CLEC4A: variants seen among roughly 807,000 people sequenced by gnomAD.
The protein encoded by CLEC4A is C-type (calcium dependent, carbohydrate-recognition domain) lectin, superfamily member 6.
CLEC4A carries 27 observed loss-of-function variants against 32.7 expected under a neutral mutation model. That is an observed-to-expected ratio of 0.83 (90% CI 0.61 to 1.14). The LOEUF (loss-of-function observed/expected upper bound fraction) is 1.14, where lower values mean the gene tolerates loss of function less well. Ranked by LOEUF, CLEC4A falls within the 50% of genes most tolerant of loss-of-function variation. The pLI is 0.00. For synonymous variants in CLEC4A, 89 were observed against 93.7 expected (o/e 0.95, Z 0.29); for missense variants, 253 against 274.6 (o/e 0.92, Z 0.55).
intron 5 of CLEC4A, among the ~76,000 whole-genome samples, chr12:8,137,204 C>T (rs768289301): frequency 6.6e-5 from 10 of 152,246 alleles, no homozygotes; most frequent in Admixed American, 2.6e-4. Flanking sequence ...GCTTTTAACC[C>T]GTATATTTAC....
intron 3 of CLEC4A, among the ~76,000 whole-genome samples, chr12:8,130,831 A>G (rs781114924): frequency 9.2e-5 from 14 of 152,310 alleles, no homozygotes; most frequent in Non-Finnish European, 1.8e-4. Flanking sequence ...CTAATCAACT[A>G]ATATTGGTAT....
Position 8,132,416 on chromosome 12 carries a change from A to G in CLEC4A, c.298+3054A>G, listed in dbSNP as rs116885028. 2.4e-3 allele frequency among the ~76,000 whole-genome samples: 366 copies of G among 152,318 alleles called. 1 individual carries two copies. Among genetic ancestry groups the G allele is most frequent in the Non-Finnish European group, 4.5e-3 (304 of 68,028 alleles). On this transcript the variant is annotated intron_variant, in intron 3 of 5. Coordinates refer to ENST00000229332, the MANE Select transcript of CLEC4A (RefSeq NM_016184.4). ...TCTCCTTTGACTCGTGGATTATTTAAAAGTGTGTTGTTTAGTTTCAAGCGT... is the reference window on the plus strand; with the variant it reads ...TCTCCTTTGACTCGTGGATTATTTAGAAGTGTGTTGTTTAGTTTCAAGCGT...
At chr12:8,134,715 C>G in intron 3 of CLEC4A, 1 of 1,568,402 alleles carries the variant, frequency 6.4e-7, no homozygotes, top group South Asian at 1.2e-5. Context: ...CGGCCCGATT[C>G]CTGGCCCTCC....
the CLEC4A span, among the ~76,000 whole-genome samples, chr12:8,111,921 ATATGTGTG>A: frequency 2.4e-4 from 26 of 109,770 alleles, no homozygotes; most frequent in Admixed American, 3.8e-4. Flanking sequence ...GTGAGTGTGT[ATATGTGTG>A]TGTGTGTGTG....
At chr12:8,137,490 G>A (rs1002037098) in intron 5 of CLEC4A, among the ~76,000 whole-genome samples, 1 of 151,944 alleles carries the variant, frequency 6.6e-6, no homozygotes, top group Non-Finnish European at 1.5e-5. Context: ...GCTAAATTCT[G>A]ATAATCTTAT....
Position 8,138,261 on chromosome 12 carries a change from T to G in CLEC4A, c.688T>G (p.Cys230Gly), listed in dbSNP as rs756465709. Reference sequence around the variant, plus strand: ...TTGTCTTGGTCCTCAAAGGTCAGTTTGTGAGATGATGAAGATCCACTTATG... The same window carrying G: ...TTGTCTTGGTCCTCAAAGGTCAGTTGGTGAGATGATGAAGATCCACTTATG... ...VNCLGPQRSVCEMMKIHL is the reference protein window; with the variant it reads ...VNCLGPQRSVGEMMKIHL The change falls in exon 6 of 6, where the codon TGT (cysteine) becomes GGT (glycine). Residue 230 changes from cysteine (C) to glycine (G), a missense_variant. By Grantham distance (159) the Cys-to-Gly change is radical. Coordinates refer to ENST00000229332, the MANE Select transcript of CLEC4A (RefSeq NM_016184.4). 2 of 1,614,176 alleles carry G rather than the reference T, an allele frequency of 1.2e-6. No individual in the cohort carries two copies. Among genetic ancestry groups the G allele is most frequent in the South Asian group, 1.1e-5 (1 of 91,080 alleles).
chr12:8,134,979 G>GTTGTTTTTTGT, intron 3 of CLEC4A: 2 of 161,408 alleles, frequency 1.2e-5, no homozygotes, highest in Non-Finnish European at 1.7e-5. Context: ...AAGCGTTTTT[G>GTTGTTTTTTGT]TTTTTTGTTT....
chr12:8,135,905 G>T (rs752040706), intron 4 of CLEC4A, among the ~76,000 whole-genome samples, 169 bp downstream of exon 4: 1 of 152,248 alleles, frequency 6.6e-6, no homozygotes, highest in Non-Finnish European at 1.5e-5. Context: ...CCTCCTTCCT[G>T]CTTCAGTAAA....
chr12:8,117,285 C>T, the CLEC4A span, among the ~76,000 whole-genome samples: 1 of 151,158 alleles, frequency 6.6e-6, no homozygotes, highest in Non-Finnish European at 1.5e-5. Context: ...GTTGCGCAGG[C>T]TGGAGTGCAG....
chr12:8,137,132 A>G (rs1948135711), intron 5 of CLEC4A, among the ~76,000 whole-genome samples: 1 of 151,968 alleles, frequency 6.6e-6, no homozygotes, highest in Non-Finnish European at 1.5e-5. Flanking sequence ...GAGTGTAGAT[A>G]ATTCAGCTAA....
At chr12:8,108,308 G>A in the CLEC4A span, among the ~76,000 whole-genome samples, 1,984 of 152,262 alleles carry the variant, frequency 0.013, 51 homozygotes, top group African/African-American at 0.045. Flanking sequence ...GCCTGGGGAT[G>A]GAACACCAGG....
Sources: gnomAD v4.1 joint callset for allele counts (sites outside exome capture counted in the v4.1 genomes callset) on GRCh38, gnomAD v4.1.1 for gene constraint, MANE v1.5 for transcripts, NCBI Gene and HGNC (gene_info 2026-07-23, HGNC 2026-07-21) for gene names.